Variants in PTPRM observed in about 807,000 individuals in gnomAD.
PTPRM encodes receptor-type tyrosine-protein phosphatase mu.
Under a neutral mutation model 186.7 loss-of-function variants are expected in PTPRM, and 47 were observed. That is an observed-to-expected ratio of 0.25 (90% CI 0.20 to 0.32). The LOEUF (loss-of-function observed/expected upper bound fraction) is 0.32, where lower values mean the gene tolerates loss of function less well. Ranked by LOEUF, PTPRM falls within the 10% of genes least tolerant of loss-of-function variation. The pLI, the probability that PTPRM is intolerant of heterozygous loss-of-function variation, is 1.00. For missense variants in PTPRM, 1,494 were observed against 1,865.0 expected, an observed-to-expected ratio of 0.80 and a Z score of 3.66; for synonymous variants, 668 against 674.9, an observed-to-expected ratio of 0.99 and a Z score of 0.16.
intron 14 of PTPRM, among the ~76,000 whole-genome samples, chr18:8,210,680 A>T (rs189226072): frequency 6.6e-6 from 1 of 152,302 alleles, no homozygotes; most frequent in African/African-American, 2.4e-5. Context: ...CAAAGGAGAG[A>T]TCTGGACTAG....
At chr18:8,147,415 G>T (rs1019250850) in intron 14 of PTPRM, among the ~76,000 whole-genome samples, 3 of 152,108 alleles carry the variant, frequency 2.0e-5, no homozygotes, top group Non-Finnish European at 4.4e-5. Context: ...TAGCAATTGC[G>T]AATGGGAGTT....
chr18:8,186,942 A>AT lies in PTPRM; in HGVS notation c.2300+43179dup, dbSNP rs538870155. On this transcript the variant is annotated intron_variant, in intron 14 of 32. Coordinates refer to ENST00000580170, the MANE Select transcript of PTPRM (RefSeq NM_001105244.2). Reference sequence around the variant, plus strand: ...GGCAAGGAGGGCCTCCCTTGGGAAGATTTTTTTTTTTTTTTTGAGACAGAG... The same window carrying AT: ...GGCAAGGAGGGCCTCCCTTGGGAAGATTTTTTTTTTTTTTTTTGAGACAGAG... Among the ~76,000 whole-genome samples, 284 of 143,736 alleles carry AT rather than the reference A, an allele frequency of 2.0e-3. 1 individual carries two copies. The highest frequency in any genetic ancestry group is 9.9e-3 in the South Asian group (44 of 4,440). 94.3% of individuals were successfully genotyped at this position (143,736 alleles called of 152,430 possible).
At chr18:7,733,351 T>A (rs1207606924) in intron 1 of PTPRM, among the ~76,000 whole-genome samples, 1 of 152,136 alleles carries the variant, frequency 6.6e-6, no homozygotes, top group African/African-American at 2.4e-5. Flanking sequence ...GGTTTTCTGA[T>A]CCTGTTAGTT....
intron 14 of PTPRM, among the ~76,000 whole-genome samples, chr18:8,153,546 A>G (rs890076750): frequency 1.3e-5 from 2 of 152,196 alleles, no homozygotes; most frequent in Non-Finnish European, 2.9e-5. Flanking sequence ...TGAAAAATAG[A>G]GTATATTCTC....
intron 22 of PTPRM, among the ~76,000 whole-genome samples, chr18:8,331,684 T>A (rs3786381): frequency 0.22 from 33,781 of 152,184 alleles, 4,071 homozygotes; most frequent in Non-Finnish European, 0.27. Context: ...CCTACACCTG[T>A]TAATGCTTCC....
At chr18:7,844,126 G>A (rs904048429) in intron 2 of PTPRM, among the ~76,000 whole-genome samples, 1 of 152,184 alleles carries the variant, frequency 6.6e-6, no homozygotes, top group African/African-American at 2.4e-5. Context: ...CCAAGTTCAT[G>A]TGAAGGGAAT....
At position 8,045,059 on chromosome 18, in the gene PTPRM, T is replaced by C. The variant is rs1600232491; in HGVS notation, c.1133-24627T>C. 2.0e-5 allele frequency among the ~76,000 whole-genome samples: 3 copies of C among 152,050 alleles called. No individual in the cohort carries two copies. In the South Asian group the frequency reaches 6.2e-4, roughly 32 times the overall value. On this transcript the variant is annotated intron_variant, in intron 7 of 32. Coordinates refer to ENST00000580170, the MANE Select transcript of PTPRM (RefSeq NM_001105244.2). ...AAAACATATGTCCACACAAAACTTGTATGTAAGCAGGGCATGGTGGCTCAC... is the reference window on the plus strand; with the variant it reads ...AAAACATATGTCCACACAAAACTTGCATGTAAGCAGGGCATGGTGGCTCAC...
chr18:7,843,429 CT>C (rs765624792), intron 2 of PTPRM, among the ~76,000 whole-genome samples: 6 of 152,050 alleles, frequency 3.9e-5, no homozygotes, highest in Non-Finnish European at 7.4e-5. Context: ...TTTAATTGCC[CT>C]TATAGATAGT....
chr18:7,791,334 A>G (rs2043335432), intron 2 of PTPRM, among the ~76,000 whole-genome samples: 1 of 152,136 alleles, frequency 6.6e-6, no homozygotes, highest in African/African-American at 2.4e-5. Context: ...GTCTTGGTGT[A>G]ACACTAGATG....
intron 2 of PTPRM, among the ~76,000 whole-genome samples, chr18:7,786,648 A>G (rs2043109607): frequency 6.6e-6 from 1 of 150,996 alleles, no homozygotes; most frequent in African/African-American, 2.4e-5. Context: ...CTCATGACAC[A>G]TCTTTTTTCT....
chr18:7,630,789 A>C (rs957513579), intron 1 of PTPRM, among the ~76,000 whole-genome samples: 8 of 152,210 alleles, frequency 5.3e-5, no homozygotes, highest in African/African-American at 1.9e-4. Context: ...AATTTTTTCA[A>C]AACTAAAGCT....
chr18:7,736,921 G>T (rs780625487), intron 1 of PTPRM, among the ~76,000 whole-genome samples: 5 of 151,964 alleles, frequency 3.3e-5, no homozygotes, highest in Non-Finnish European at 5.9e-5. Context: ...TAATATGAGA[G>T]GTCTTTCTCT....
chr18:8,304,256 G>A (rs1018756185), intron 20 of PTPRM, among the ~76,000 whole-genome samples: 10 of 152,138 alleles, frequency 6.6e-5, no homozygotes, highest in African/African-American at 1.7e-4. Flanking sequence ...ATTTTTAAAC[G>A]TAATGTTACC....
chr18:8,205,228 T>G (rs147963773), intron 14 of PTPRM, among the ~76,000 whole-genome samples: 1,860 of 152,318 alleles, frequency 0.012, 17 homozygotes, highest in African/African-American at 0.017. Flanking sequence ...GAAACAGTCA[T>G]TTCTCGCTGC....
chr18:7,805,670 G>T (rs562026505), intron 2 of PTPRM, among the ~76,000 whole-genome samples: 1 of 152,184 alleles, frequency 6.6e-6, no homozygotes, highest in Non-Finnish European at 1.5e-5. Context: ...GTAACTTCTT[G>T]GAGGGCAGAA....
intron 22 of PTPRM, among the ~76,000 whole-genome samples, chr18:8,332,728 A>G (rs1314047175): frequency 6.6e-6 from 1 of 152,216 alleles, no homozygotes; most frequent in African/African-American, 2.4e-5. Context: ...AGGTGAGGGG[A>G]AAAGACTCTT....
chr18:8,057,615 C>A (rs1251172282), intron 7 of PTPRM, among the ~76,000 whole-genome samples: 1 of 105,702 alleles, frequency 9.5e-6, no homozygotes, highest in African/African-American at 3.9e-5. Flanking sequence ...CCCCCCACCC[C>A]ACCACAGTCC....
intron 5 of PTPRM, among the ~76,000 whole-genome samples, chr18:7,941,487 A>C (rs770084587): frequency 6.6e-6 from 1 of 152,238 alleles, no homozygotes; most frequent in Non-Finnish European, 1.5e-5. Flanking sequence ...TCAGATGCAC[A>C]TTTATTTTTA....
intron 7 of PTPRM, among the ~76,000 whole-genome samples, chr18:8,059,385 T>A (rs2088301755): frequency 1.4e-5 from 1 of 71,536 alleles, no homozygotes. Context: ...AGATAAACAA[T>A]CATGTCGTCT....
Sources: allele counts gnomAD v4.1 joint callset (sites outside exome capture counted in the v4.1 genomes callset), GRCh38; gene constraint gnomAD v4.1.1; transcripts MANE v1.5; gene names NCBI Gene and HGNC (gene_info 2026-07-23, HGNC 2026-07-21).